NAB1: variants seen among roughly 807,000 people sequenced by gnomAD.
NAB1 encodes the protein NGFI-A binding protein 1.
NAB1 carries 25 observed loss-of-function variants against 49.9 expected under a neutral mutation model. That is an observed-to-expected ratio of 0.50 (90% CI 0.37 to 0.70). The LOEUF is 0.70. NAB1 is among the 30% of genes least tolerant of loss of function. The pLI, the probability that NAB1 is intolerant of heterozygous loss-of-function variation, is 0.00. For synonymous variants in NAB1, 198 were observed against 215.6 expected (o/e 0.92, Z 0.71); for missense variants, 489 against 575.9 (o/e 0.85, Z 1.54).
chr2:190,667,813 A>T lies in NAB1; in HGVS notation c.820-2513A>T, dbSNP rs1365207951. On this transcript the variant is annotated intron_variant, in intron 4 of 9. Coordinates refer to ENST00000337386, the MANE Select transcript of NAB1 (RefSeq NM_005966.4). The surrounding 1 kb of genome is among the most constrained non-coding windows in gnomAD (Gnocchi z 4.4). Reference sequence around the variant, plus strand: ...TGGGAAAAGTAAAACGATTAGACTAAATTATGGAACATTTATATATTATTA... The same window carrying T: ...TGGGAAAAGTAAAACGATTAGACTATATTATGGAACATTTATATATTATTA... Among the ~76,000 whole-genome samples, 2 of 152,128 alleles carry T rather than the reference A, an allele frequency of 1.3e-5. No homozygotes were observed. Among genetic ancestry groups the T allele is most frequent in the Non-Finnish European group, 2.9e-5 (2 of 67,988 alleles).
chr2:190,675,526 G>T lies in NAB1; in HGVS notation c.1005+2374G>T, dbSNP rs1695027927. Among the ~76,000 whole-genome samples the T allele has an allele frequency of 6.6e-6, 1 of 152,166 alleles. No homozygotes were observed. Among genetic ancestry groups the T allele is most frequent in the Non-Finnish European group, 1.5e-5 (1 of 68,038 alleles). On this transcript the variant is annotated intron_variant, in intron 6 of 9. Transcript: ENST00000337386. The surrounding 1 kb of genome is among the most constrained non-coding windows in gnomAD (Gnocchi z 5.2). ...CTCCACTAGAGATACTTGAGTTATA[G>T]TTCTATACGGTTAGTTTATTGGTTT...
At chr2:190,664,420 T>C (rs1166243183) in intron 4 of NAB1, among the ~76,000 whole-genome samples, 1 of 151,770 alleles carries the variant, frequency 6.6e-6, no homozygotes, top group Non-Finnish European at 1.5e-5. Flanking sequence ...CACAGCTTAC[T>C]GTATCCTCGA....
intron 3 of NAB1, among the ~76,000 whole-genome samples, chr2:190,656,690 GA>G (rs756378032): frequency 2.0e-5 from 3 of 151,998 alleles, no homozygotes; most frequent in Non-Finnish European, 4.4e-5. Flanking sequence ...GATAAAACTT[GA>G]AAATTATTTT....
intron 2 of NAB1, chr2:190,653,782 C>T (rs2125560881): frequency 6.6e-6 from 1 of 152,268 alleles, no homozygotes; most frequent in Non-Finnish European, 1.5e-5. Flanking sequence ...TCTTAAAAGG[C>T]AGGTGTTGGG....
In NAB1 at chr2:190,654,890, A is replaced by G. The variant is rs1304398856; in HGVS notation, c.-196-1087A>G. On this transcript the variant is annotated intron_variant, in intron 2 of 9. Transcript: ENST00000337386. This position sits in a 1 kb window ranked among gnomAD's most constrained non-coding sequence, Gnocchi z 5.6. ...CTTAAATCCGGGAAACTGAAAGACC[A>G]ATGGTGCAACTGAAAGAACTAAGAG... Among the ~76,000 whole-genome samples the G allele has an allele frequency of 1.3e-5, 2 of 152,214 alleles. No individual in the cohort carries two copies. The highest frequency in any genetic ancestry group is 2.4e-5 in the African/African-American group (1 of 41,464).
intron 3 of NAB1, among the ~76,000 whole-genome samples, chr2:190,658,880 G>A (rs913450494): frequency 1.3e-5 from 2 of 152,150 alleles, no homozygotes; most frequent in African/African-American, 4.8e-5. Flanking sequence ...CCAAAAATAC[G>A]GGACATGGAA....
At chr2:190,672,488 C>G (rs1212483747) in intron 5 of NAB1, among the ~76,000 whole-genome samples, 1 of 152,038 alleles carries the variant, frequency 6.6e-6, no homozygotes, top group Non-Finnish European at 1.5e-5. Flanking sequence ...GTTTTCCCAG[C>G]AGAGAAATTG....
intron 2 of NAB1, among the ~76,000 whole-genome samples, chr2:190,655,671 C>T (rs760343653): frequency 4.6e-5 from 7 of 152,016 alleles, no homozygotes; most frequent in Non-Finnish European, 7.4e-5. Flanking sequence ...CAATTAAAGC[C>T]CTCTGTCCTA....
intron 3 of NAB1, among the ~76,000 whole-genome samples, chr2:190,658,375 G>A (rs1204642225): frequency 6.6e-6 from 1 of 152,190 alleles, no homozygotes; most frequent in African/African-American, 2.4e-5. Flanking sequence ...TGTCTCCAGT[G>A]CCTGTTAGAA....
In NAB1 at chr2:190,674,319, C is replaced by G. The variant is rs944276930; in HGVS notation, c.1005+1167C>G. Among the ~76,000 whole-genome samples, 14 of 152,126 alleles carry G rather than the reference C, an allele frequency of 9.2e-5. No homozygotes were observed. The highest frequency in any genetic ancestry group is 4.6e-4 in the Admixed American group (7 of 15,264). ...ACTTTCTGTTCCTGAACATGCCAAA[C>G]TCATTTATGCCTCAACACTCACTGT... On this transcript the variant is annotated intron_variant, in intron 6 of 9. Transcript: ENST00000337386. The surrounding 1 kb of genome is among the most constrained non-coding windows in gnomAD (Gnocchi z 5.7).
chr2:190,676,469 C>T lies in NAB1; in HGVS notation c.1005+3317C>T, dbSNP rs1695076151. Among the ~76,000 whole-genome samples, 1 of 152,152 alleles carries T rather than the reference C, an allele frequency of 6.6e-6. No individual in the cohort carries two copies. The highest frequency in any genetic ancestry group is 2.4e-5 in the African/African-American group (1 of 41,430). On this transcript the variant is annotated intron_variant, in intron 6 of 9. Transcript: ENST00000337386. The surrounding 1 kb of genome is among the most constrained non-coding windows in gnomAD (Gnocchi z 4.6). ...CAAGACTGAGCATGGTGGCTTATGACTGTAATCCCAGCACTTTGTGAGGCT... is the reference window on the plus strand; with the variant it reads ...CAAGACTGAGCATGGTGGCTTATGATTGTAATCCCAGCACTTTGTGAGGCT...
chr2:190,659,171 A>G lies in NAB1; in HGVS notation c.-6A>G, dbSNP rs1694090020. 6.3e-7 allele frequency: 1 copy of G among 1,597,636 alleles called. No individual in the cohort carries two copies. On this transcript the variant is annotated 5_prime_UTR_variant, in exon 4 of 10. Transcript: ENST00000337386. The surrounding 1 kb of genome is among the most constrained non-coding windows in gnomAD (Gnocchi z 6.2). ...TTTTTTTGGCAGGTTAAACCCATCCAGAGTAATGGCTGCGGCCTTACCCAG... is the reference window on the plus strand; with the variant it reads ...TTTTTTTGGCAGGTTAAACCCATCCGGAGTAATGGCTGCGGCCTTACCCAG...
At chr2:190,660,924 A>G (rs924429505) in intron 4 of NAB1, among the ~76,000 whole-genome samples, 3 of 151,688 alleles carry the variant, frequency 2.0e-5, no homozygotes, top group Non-Finnish European at 2.9e-5. Context: ...CAAAAGTTAA[A>G]AAGACTATGT....
intron 2 of NAB1, among the ~76,000 whole-genome samples, chr2:190,655,089 T>G (rs1693850134): frequency 6.6e-6 from 1 of 152,246 alleles, no homozygotes; most frequent in Non-Finnish European, 1.5e-5. Context: ...TGAGGATAGC[T>G]TTTTAAATAA....
In NAB1 at chr2:190,663,636, T is replaced by TG. The variant is rs1463532972; in HGVS notation, c.819+3642dup. Among the ~76,000 whole-genome samples the TG allele has an allele frequency of 6.6e-6, 1 of 152,230 alleles. No homozygotes were observed. Among genetic ancestry groups the TG allele is most frequent in the African/African-American group, 2.4e-5 (1 of 41,470 alleles). ...CCACTCTGGGCTTAGTTGCTATTCT[T>TG]GCTTGTGCTGTACACGTGTATATAT... On this transcript the variant is annotated intron_variant, in intron 4 of 9. Transcript: ENST00000337386. This position sits in a 1 kb window ranked among gnomAD's most constrained non-coding sequence, Gnocchi z 4.2.
At chr2:190,671,555 A>T (rs1172098967) in intron 5 of NAB1, among the ~76,000 whole-genome samples, 2 of 151,840 alleles carry the variant, frequency 1.3e-5, no homozygotes, top group East Asian at 1.9e-4. Context: ...TCATTGTATT[A>T]TACACTATTT....
intron 2 of NAB1, among the ~76,000 whole-genome samples, chr2:190,650,496 TAA>T (rs1247261533): frequency 2.0e-5 from 3 of 152,246 alleles, no homozygotes; most frequent in South Asian, 2.1e-4. Flanking sequence ...TTAGCTGTTG[TAA>T]AAGTGTTCAC....
At chr2:190,665,248 G>A (rs891043847) in intron 4 of NAB1, among the ~76,000 whole-genome samples, 3 of 151,780 alleles carry the variant, frequency 2.0e-5, no homozygotes, top group African/African-American at 7.3e-5. Flanking sequence ...GCGTGAACCT[G>A]GGAGGCGGAG....
At chr2:190,665,322 C>CAA (rs35430342) in intron 4 of NAB1, among the ~76,000 whole-genome samples, 102 of 131,010 alleles carry the variant, frequency 7.8e-4, no homozygotes, top group East Asian at 1.5e-3. Context: ...GACTCCATCT[C>CAA]AAAAAAAAAA....
Sources: gnomAD v4.1 joint callset for allele counts (sites outside exome capture counted in the v4.1 genomes callset) on GRCh38, gnomAD v4.1.1 for gene constraint, Gnocchi (gnomAD v3.1) non-coding constraint, MANE v1.5 for transcripts, NCBI Gene and HGNC (gene_info 2026-07-23, HGNC 2026-07-21) for gene names.